Variants in AQR observed in about 807,000 individuals in gnomAD.
AQR encodes aquarius intron-binding spliceosomal factor.
A neutral mutation model predicts 180.5 loss-of-function variants in AQR; 61 were observed. The observed-to-expected ratio is 0.34, with a 90% CI of 0.28 to 0.42. The LOEUF is 0.42. Among genes scored for constraint, AQR ranks in the 10% least tolerant of loss-of-function variants. The pLI is 1.00. For synonymous variants in AQR, 551 were observed against 588.8 expected (o/e 0.94, Z 0.93); for missense variants, 1,281 against 1,798.3 (o/e 0.71, Z 5.20).
intron 9 of AQR, among the ~76,000 whole-genome samples, chr15:34,935,343 ACCATT>A (rs1893929589): frequency 6.6e-6 from 1 of 152,268 alleles, no homozygotes; most frequent in African/African-American, 2.4e-5. Context: ...GAAATGGTCT[ACCATT>A]TTGCCAACTA....
At chr15:34,911,619 C>T (rs1288930846) in intron 16 of AQR, among the ~76,000 whole-genome samples, 3 of 152,052 alleles carry the variant, frequency 2.0e-5, no homozygotes, top group Non-Finnish European at 2.9e-5. Flanking sequence ...AGTCCTTCAC[C>T]CATTTTTTAT....
chr15:34,893,200 G>C (rs185635320), intron 23 of AQR, among the ~76,000 whole-genome samples: 1 of 152,308 alleles, frequency 6.6e-6, no homozygotes, highest in Admixed American at 6.5e-5. Context: ...CGTTTGCCAA[G>C]AGCACACCGA....
At position 34,856,845 on chromosome 15, in the gene AQR, C is replaced by T. The variant is rs868297929; in HGVS notation, c.4405G>A (p.Ala1469Thr). The T allele has an allele frequency of 6.2e-7, 1 of 1,604,128 alleles. No individual in the cohort carries two copies. The highest frequency in any genetic ancestry group is 8.5e-7 in the Non-Finnish European group (1 of 1,174,896). Reference protein sequence around the residue: ...PTVVGAVSAPAEANTPQDATS... With the variant: ...PTVVGAVSAPTEANTPQDATS... ...GCATCCTGAGGTGTGTTAGCTTCTG[C>T]CGGTGCAGATACAGCTCCTACCACA... The change falls in exon 35 of 35, where the codon GCA (alanine) becomes ACA (threonine). Residue 1469 changes from alanine to threonine, a missense_variant. Transcript: ENST00000156471.
At chr15:34,863,728 G>A (rs1484226413) in intron 32 of AQR, among the ~76,000 whole-genome samples, 2 of 152,114 alleles carry the variant, frequency 1.3e-5, no homozygotes, top group Non-Finnish European at 2.9e-5. Context: ...GCTATCTGAT[G>A]AATGATGTCA....
At chr15:34,900,389 T>G (rs1438608479) in intron 20 of AQR, among the ~76,000 whole-genome samples, 2 of 152,254 alleles carry the variant, frequency 1.3e-5, no homozygotes, top group African/African-American at 4.8e-5. Flanking sequence ...AAGTATTTAT[T>G]GATCCCTTAT....
At chr15:34,945,857 G>A (rs1262239449) in intron 5 of AQR, among the ~76,000 whole-genome samples, 1 of 152,114 alleles carries the variant, frequency 6.6e-6, no homozygotes, top group African/African-American at 2.4e-5. Context: ...CCATTATATG[G>A]CGGGCAAAGA....
At chr15:34,862,573 T>A (rs1178447990) in intron 33 of AQR, among the ~76,000 whole-genome samples, 1 of 152,132 alleles carries the variant, frequency 6.6e-6, no homozygotes, top group Non-Finnish European at 1.5e-5. Context: ...TATTTATTTA[T>A]TTTTTATAGA....
Position 34,919,138 on chromosome 15 carries a change from C to T in AQR, c.1222-760G>A, listed in dbSNP as rs146620612. On this transcript the variant is annotated intron_variant, in intron 14 of 34. Transcript: ENST00000156471. The stretch of plus-strand genomic sequence containing the variant: ...CCTGTAATCCCAGCTACTCAGGAGG[C>T]TGAGGCAAGAGAATTGCTTGAACCC... Among the ~76,000 whole-genome samples, 31 of 151,118 alleles carry T rather than the reference C, an allele frequency of 2.1e-4. No homozygotes were observed. The East Asian group carries it at 5.8e-3, about 28-fold the overall frequency.
intron 19 of AQR, among the ~76,000 whole-genome samples, chr15:34,901,183 C>T (rs1218718362): frequency 2.6e-5 from 4 of 152,060 alleles, no homozygotes; most frequent in Non-Finnish European, 5.9e-5. Context: ...CAGGTGGACA[C>T]AGCAGTAAAA....
In AQR at chr15:34,968,354, G is replaced by A. The variant is rs1035769261; in HGVS notation, c.75+1185C>T. Among the ~76,000 whole-genome samples the A allele has an allele frequency of 2.6e-5, 4 of 151,706 alleles. No individual in the cohort carries two copies. The East Asian group carries it at 5.8e-4, about 22-fold the overall frequency. On this transcript the variant is annotated intron_variant, in intron 1 of 34. Transcript: ENST00000156471. The stretch of plus-strand genomic sequence containing the variant: ...TGCAAGCTCCGCCTCCCGGGTTCAC[G>A]CCATTCTCCTGCCTCAGCCTCCCGA...
At chr15:34,953,299 CT>C (rs1894260475) in intron 3 of AQR, among the ~76,000 whole-genome samples, 1 of 152,128 alleles carries the variant, frequency 6.6e-6, no homozygotes, top group African/African-American at 2.4e-5. Context: ...AATAGAATTA[CT>C]TTGTTTTATA....
chr15:34,860,058 G>A lies in AQR; in HGVS notation c.4127C>T (p.Thr1376Ile), dbSNP rs751663678. ...GAAACTCACCTGATGATAATGATGT[G>A]TAGTCTGTATCAAATGCATGTACAT... ...YNMYMHLIQT[T>I]HHYHQTLLQL... The change falls in exon 34 of 35, where the codon ACA (threonine) becomes ATA (isoleucine). Residue 1376 changes from threonine (T) to isoleucine (I), a missense_variant. Physicochemically the swap from Thr to Ile is moderately conservative, Grantham distance 89 (BLOSUM62 -1). Around this residue, in one of 9 missense-constraint regions of AQR, gnomAD observed 182 missense variants for 185.3 expected, o/e 0.98. Coordinates refer to ENST00000156471, the MANE Select transcript of AQR (RefSeq NM_014691.3). 4.2e-6 allele frequency: 6 copies of A among 1,443,598 alleles called. No individual in the cohort carries two copies. The highest frequency in any genetic ancestry group is 2.1e-5 in the Admixed American group (1 of 47,818). The allele number at this position is 1,443,598 out of a possible 1,614,324, so 89.4% of individuals were successfully genotyped here.
chr15:34,966,644 G>A (rs1200746963), intron 1 of AQR, among the ~76,000 whole-genome samples: 3 of 152,090 alleles, frequency 2.0e-5, no homozygotes, highest in Non-Finnish European at 4.4e-5. Context: ...CCCAGCACCT[G>A]GTATTGTACT....
At position 34,886,535 on chromosome 15, in the gene AQR, G is replaced by C; in HGVS notation, c.2808C>G (p.Phe936Leu). The change falls in exon 25 of 35, where the codon TTC becomes TTG. Residue 936 changes from phenylalanine (F) to leucine (L), a missense_variant. By Grantham distance (22) the Phe-to-Leu change is conservative. Coordinates refer to ENST00000156471, the MANE Select transcript of AQR (RefSeq NM_014691.3). ...ACCCTTAATATCTTACCTGGTATAA[G>C]AAGAAATAGCCTGCAGTTTCACAGG... ...SYTCETAGYF[F>L]LYQVMSRWEE... 6.2e-7 allele frequency: 1 copy of C among 1,605,982 alleles called. No homozygotes were observed. The highest frequency in any genetic ancestry group is 1.1e-5 in the South Asian group (1 of 89,032).
At chr15:34,947,203 G>A (rs987315025) in intron 5 of AQR, among the ~76,000 whole-genome samples, 28 of 151,614 alleles carry the variant, frequency 1.8e-4, no homozygotes, top group Admixed American at 7.9e-4. Context: ...GTTGATCGGT[G>A]ACCTTACCCC....
At chr15:34,868,005 A>C (rs16959971) in intron 31 of AQR, 2,065 of 176,972 alleles carry the variant, frequency 0.012, 50 homozygotes, top group African/African-American at 0.047. Context: ...TATCACTAGT[A>C]AATGTCTACA....
intron 1 of AQR, among the ~76,000 whole-genome samples, chr15:34,968,554 G>A (rs755354153): frequency 6.6e-6 from 1 of 152,144 alleles, no homozygotes; most frequent in Non-Finnish European, 1.5e-5. Context: ...CCCTGCGCCC[G>A]GCCGGAAGGC....
chr15:34,883,256 C>T (rs1893003130), intron 26 of AQR, among the ~76,000 whole-genome samples: 1 of 152,094 alleles, frequency 6.6e-6, no homozygotes, highest in African/African-American at 2.4e-5. Flanking sequence ...AAGAAGTCAG[C>T]TGACATAGGA....
chr15:34,925,525 C>A (rs1001751391), intron 13 of AQR, among the ~76,000 whole-genome samples: 1 of 152,112 alleles, frequency 6.6e-6, no homozygotes, highest in Non-Finnish European at 1.5e-5. Context: ...TTTGTAAAAG[C>A]CAAAACTTAA....
Sources: gnomAD v4.1 joint callset for allele counts (sites outside exome capture counted in the v4.1 genomes callset) on GRCh38, gnomAD v4.1.1 for gene constraint, gnomAD v4.1.1 regional missense constraint, MANE v1.5 for transcripts, NCBI Gene and HGNC (gene_info 2026-07-23, HGNC 2026-07-21) for gene names.